Variants in MYO3A observed in about 807,000 individuals in gnomAD.
The protein encoded by MYO3A is myosin IIIA, also known as myosin-IIIa.
In MYO3A, 180 loss-of-function variants were observed where a neutral mutation model predicts 192.7. The observed-to-expected ratio is 0.93, with a 90% CI of 0.83 to 1.06. The LOEUF (loss-of-function observed/expected upper bound fraction) is 1.06, where lower values mean the gene tolerates loss of function less well. MYO3A is among the 50% of genes least tolerant of loss of function. The probability of loss-of-function intolerance (pLI) is 0.00; values close to 1 mark genes in which losing one functional copy is unlikely to be tolerated. For missense variants in MYO3A, 1,896 were observed against 1,905.0 expected (o/e 1.00, Z 0.09); for synonymous variants, 628 against 645.3 (o/e 0.97, Z 0.41).
At chr10:26,199,843 C>T (rs187859705) in intron 32 of MYO3A, among the ~76,000 whole-genome samples, 9 of 152,174 alleles carry the variant, frequency 5.9e-5, no homozygotes, top group Admixed American at 5.9e-4. Context: ...GCAATTGTTA[C>T]CCAGAACAAA....
Position 26,173,685 on chromosome 10 carries a change from G to A in MYO3A, c.3421G>A (p.Ala1141Thr). 6.2e-7 allele frequency: 1 copy of A among 1,613,654 alleles called. No individual in the cohort carries two copies. Among genetic ancestry groups the A allele is most frequent in the South Asian group, 1.1e-5 (1 of 91,026 alleles). ...NTRESFVKKQ[A>T]ENAISANERF... ...CAGGGAATCTTTCGTGAAGAAACAA[G>A]CAGAAAATGCAATCTCTGCTAATGA... Residue 1141 changes from alanine to threonine, a missense_variant, in exon 30 of 35, where the codon GCA becomes ACA. Transcript: ENST00000642920.
At chr10:26,168,290 C>T (rs1045942427) in intron 27 of MYO3A, among the ~76,000 whole-genome samples, 7 of 152,150 alleles carry the variant, frequency 4.6e-5, no homozygotes, top group South Asian at 2.1e-4. Context: ...AATTAACTAA[C>T]GGAACTATAA....
At chr10:25,951,095 A>G (rs531674122) in intron 2 of MYO3A, among the ~76,000 whole-genome samples, 6 of 152,316 alleles carry the variant, frequency 3.9e-5, no homozygotes, top group African/African-American at 1.4e-4. Flanking sequence ...TCAATTAATT[A>G]TTTCAGCAGT....
At chr10:26,004,885 C>T (rs1841085382) in intron 6 of MYO3A, among the ~76,000 whole-genome samples, 1 of 152,108 alleles carries the variant, frequency 6.6e-6, no homozygotes, top group Admixed American at 6.5e-5. Context: ...CTTTTCCTTA[C>T]AGAAGAATGC....
chr10:26,029,200 A>C (rs1467117783), intron 10 of MYO3A, among the ~76,000 whole-genome samples: 1 of 152,216 alleles, frequency 6.6e-6, no homozygotes, highest in African/African-American at 2.4e-5. Context: ...TATTGGGCAC[A>C]GTGTTATGCT....
intron 10 of MYO3A, among the ~76,000 whole-genome samples, chr10:26,058,242 A>G (rs77014423): frequency 4.3e-4 from 66 of 152,196 alleles, no homozygotes; most frequent in African/African-American, 1.6e-3. Context: ...TCATATATGT[A>G]GTTTTTTCAG....
At chr10:26,093,028 A>C (rs553414070) in intron 15 of MYO3A, among the ~76,000 whole-genome samples, 1 of 152,336 alleles carries the variant, frequency 6.6e-6, no homozygotes, top group South Asian at 2.1e-4. Context: ...ATGAAGAGAA[A>C]TCCATTAATA....
chr10:26,036,117 T>C (rs964898231), intron 10 of MYO3A, among the ~76,000 whole-genome samples: 9 of 152,034 alleles, frequency 5.9e-5, no homozygotes, highest in Non-Finnish European at 1.2e-4. Flanking sequence ...TTGTATTTTT[T>C]TTTAGTAGAG....
At chr10:25,999,537 T>C (rs1391432315) in intron 6 of MYO3A, among the ~76,000 whole-genome samples, 2 of 152,192 alleles carry the variant, frequency 1.3e-5, no homozygotes, top group Non-Finnish European at 2.9e-5. Flanking sequence ...AACCACAACC[T>C]GCAGAATCAA....
intron 2 of MYO3A, among the ~76,000 whole-genome samples, chr10:25,943,969 G>A (rs1353833531): frequency 1.3e-5 from 2 of 151,922 alleles, no homozygotes; most frequent in Non-Finnish European, 2.9e-5. Flanking sequence ...GGACATTTTT[G>A]TCTTGTTCCT....
chr10:26,042,923 T>A (rs1843431551), intron 10 of MYO3A, among the ~76,000 whole-genome samples: 1 of 152,192 alleles, frequency 6.6e-6, no homozygotes, highest in Non-Finnish European at 1.5e-5. Context: ...TGGTAGTGTT[T>A]GCAGTCTGGA....
chr10:26,020,826 T>C lies in MYO3A; in HGVS notation c.586-677T>C, dbSNP rs1298058435. 2.0e-5 allele frequency among the ~76,000 whole-genome samples: 3 copies of C among 152,344 alleles called. No homozygotes were observed. In the East Asian group the frequency reaches 5.8e-4, roughly 29 times the overall value. On this transcript the variant is annotated intron_variant, in intron 7 of 34. Coordinates refer to ENST00000642920, the MANE Select transcript of MYO3A (RefSeq NM_017433.5). The stretch of plus-strand genomic sequence containing the variant: ...ATAAAATTACAAAAACAAATTCCTC[T>C]TTTTTCCTTGACTCTCAATTACATC...
At chr10:26,115,982 T>C (rs1838479634) in intron 17 of MYO3A, among the ~76,000 whole-genome samples, 1 of 152,224 alleles carries the variant, frequency 6.6e-6, no homozygotes, top group South Asian at 2.1e-4. Context: ...GTCAGATGCT[T>C]TACTATGTCA....
intron 23 of MYO3A, among the ~76,000 whole-genome samples, chr10:26,152,770 A>G (rs770491028): frequency 9.9e-5 from 15 of 152,218 alleles, no homozygotes; most frequent in Non-Finnish European, 1.9e-4. Context: ...ACATTTTGAA[A>G]AGTGAACAGG....
At position 26,032,398 on chromosome 10, in the gene MYO3A, C is replaced by T. The variant is rs191236707; in HGVS notation, c.953+5866C>T. On this transcript the variant is annotated intron_variant, in intron 10 of 34. Coordinates refer to ENST00000642920, the MANE Select transcript of MYO3A (RefSeq NM_017433.5). ...TTGGGAGGCCGAGGCGGGTGGATCA[C>T]GAGGTCAGGAATTCGAGACCAGCCT... is the stretch of plus-strand genomic sequence containing the variant. Among the ~76,000 whole-genome samples, 130 of 151,672 alleles carry T rather than the reference C, an allele frequency of 8.6e-4. 1 individual carries two copies. In the East Asian group the frequency reaches 0.016, roughly 19 times the overall value.
At chr10:26,003,462 A>G (rs1458539828) in intron 6 of MYO3A, among the ~76,000 whole-genome samples, 4 of 152,230 alleles carry the variant, frequency 2.6e-5, no homozygotes, top group African/African-American at 4.8e-5. Flanking sequence ...AATGCTCATT[A>G]TGAATACGGC....
chr10:26,158,211 A>T (rs10828958), intron 26 of MYO3A, among the ~76,000 whole-genome samples: 30,282 of 151,704 alleles, frequency 0.2, 3,293 homozygotes, highest in East Asian at 0.31. Flanking sequence ...GCTAACATAA[A>T]TTTTTTTAAA....
chr10:26,101,136 T>G (rs1011487041), intron 17 of MYO3A, among the ~76,000 whole-genome samples: 15 of 152,216 alleles, frequency 9.9e-5, no homozygotes, highest in African/African-American at 3.6e-4. Flanking sequence ...AATTGATTCC[T>G]TTACCATTAT....
chr10:26,108,496 A>G lies in MYO3A; in HGVS notation c.1776+11814A>G, dbSNP rs570638626. Among the ~76,000 whole-genome samples the G allele has an allele frequency of 2.9e-4, 44 of 152,370 alleles. No individual in the cohort carries two copies. In the South Asian group the frequency reaches 5.0e-3, roughly 17 times the overall value. On this transcript the variant is annotated intron_variant, in intron 17 of 34. Coordinates refer to ENST00000642920, the MANE Select transcript of MYO3A (RefSeq NM_017433.5). ...GCTAATAGACGTGAAACTTTATAAAAATTATTCAAATTGTATGCTATGAAA... is the reference window on the plus strand; with the variant it reads ...GCTAATAGACGTGAAACTTTATAAAGATTATTCAAATTGTATGCTATGAAA...
Sources: allele counts gnomAD v4.1 joint callset (sites outside exome capture counted in the v4.1 genomes callset), GRCh38; gene constraint gnomAD v4.1.1; transcripts MANE v1.5; gene names NCBI Gene and HGNC (gene_info 2026-07-23, HGNC 2026-07-21).